The following PRICKLE2 variants were observed in gnomAD, a reference collection of about 807,000 sequenced individuals.
PRICKLE2 encodes prickle planar cell polarity protein 2.
PRICKLE2 carries 21 observed loss-of-function variants against 81.4 expected under a neutral mutation model. The observed-to-expected ratio is 0.26, with a 90% CI of 0.18 to 0.37. PRICKLE2 has a LOEUF of 0.37. Ranked by LOEUF, PRICKLE2 falls within the 10% of genes least tolerant of loss-of-function variation. The pLI is 1.00. For synonymous variants in PRICKLE2, 456 were observed against 421.5 expected (o/e 1.08, Z -1.00); for missense variants, 940 against 1,109.0 (o/e 0.85, Z 2.16).
At chr3:64,233,892 T>G (rs2079141833) in intron 2 of PRICKLE2, among the ~76,000 whole-genome samples, 1 of 152,144 alleles carries the variant, frequency 6.6e-6, no homozygotes, top group South Asian at 2.1e-4. Flanking sequence ...CTCTATAGAG[T>G]TGCCTATTCT....
chr3:64,243,028 G>C (rs1359928738), intron 2 of PRICKLE2, among the ~76,000 whole-genome samples: 2 of 152,214 alleles, frequency 1.3e-5, no homozygotes, highest in Non-Finnish European at 2.9e-5. Context: ...GAAAGTGAGA[G>C]AGCAGGGATT....
chr3:64,246,019 TGG>T (rs2079345340), intron 2 of PRICKLE2, among the ~76,000 whole-genome samples: 1 of 152,028 alleles, frequency 6.6e-6, no homozygotes, highest in Non-Finnish European at 1.5e-5. Flanking sequence ...CCAAGGCAGG[TGG>T]ATCACTTGAG....
At chr3:64,194,766 T>C (rs981613683) in intron 2 of PRICKLE2, among the ~76,000 whole-genome samples, 1 of 152,218 alleles carries the variant, frequency 6.6e-6, no homozygotes, top group Admixed American at 6.5e-5. Flanking sequence ...GCCTTAAGAA[T>C]GTCTTCAGAC....
chr3:64,199,015 T>C (rs1575656060), intron 1 of PRICKLE2, 48 bp from the exon 2 acceptor site: 1 of 1,581,196 alleles, frequency 6.3e-7, no homozygotes, highest in Middle Eastern at 1.7e-4. Context: ...AAACCTTTTT[T>C]TTTTTCCAAG....
At chr3:64,259,097 A>G (rs557168224) in intron 2 of PRICKLE2, among the ~76,000 whole-genome samples, 29 of 152,260 alleles carry the variant, frequency 1.9e-4, no homozygotes, top group African/African-American at 6.5e-4. Context: ...ATGTAATGTG[A>G]CCTTTGAGAG....
At chr3:64,168,554 C>T (rs574666533) in intron 2 of PRICKLE2, among the ~76,000 whole-genome samples, 9 of 152,268 alleles carry the variant, frequency 5.9e-5, no homozygotes, top group African/African-American at 1.7e-4. Flanking sequence ...TACGGCTTGA[C>T]GCGTTTTTAT....
intron 7 of PRICKLE2, among the ~76,000 whole-genome samples, chr3:64,125,814 C>G (rs1287571841): frequency 6.6e-6 from 1 of 152,198 alleles, no homozygotes; most frequent in African/African-American, 2.4e-5. Context: ...TGAAATATCT[C>G]TGAGGTATGT....
chr3:64,215,982 T>C (rs2078865682), intron 1 of PRICKLE2, among the ~76,000 whole-genome samples: 1 of 152,222 alleles, frequency 6.6e-6, no homozygotes, highest in African/African-American at 2.4e-5. Context: ...AGAACTCCTA[T>C]GGCCTTGGCA....
At chr3:64,207,693 C>T (rs1037781847) in intron 1 of PRICKLE2, among the ~76,000 whole-genome samples, 7 of 152,054 alleles carry the variant, frequency 4.6e-5, no homozygotes, top group African/African-American at 7.2e-5. Flanking sequence ...CATATACTTA[C>T]GGGTATCACA....
intron 1 of PRICKLE2, chr3:64,199,299 C>T (rs2078524193): frequency 7.0e-6 from 3 of 429,452 alleles, no homozygotes; most frequent in Non-Finnish European, 8.4e-6. Context: ...CTGGATATGG[C>T]CCATGACCAC....
intron 7 of PRICKLE2, among the ~76,000 whole-genome samples, chr3:64,116,232 A>G (rs1161732964): frequency 6.6e-6 from 1 of 152,202 alleles, no homozygotes; most frequent in Non-Finnish European, 1.5e-5. Context: ...TGAAATGTTC[A>G]CATCAAAAAG....
intron 2 of PRICKLE2, among the ~76,000 whole-genome samples, chr3:64,195,712 G>A (rs539642763): frequency 1.9e-4 from 29 of 152,102 alleles, no homozygotes; most frequent in African/African-American, 6.7e-4. Flanking sequence ...AGTGCTATAC[G>A]TAATAGACTT....
At chr3:64,187,444 G>A (rs1300810678) in intron 2 of PRICKLE2, 2 of 152,194 alleles carry the variant, frequency 1.3e-5, no homozygotes, top group South Asian at 2.1e-4. Flanking sequence ...TGAAAACACC[G>A]AGGTGAGTGA....
intron 1 of PRICKLE2, among the ~76,000 whole-genome samples, chr3:64,207,460 C>G (rs977642110): frequency 3.9e-5 from 6 of 152,162 alleles, no homozygotes; most frequent in Non-Finnish European, 8.8e-5. Flanking sequence ...AGACTTCATT[C>G]TACGTGTTCC....
At chr3:64,125,982 T>C (rs1024895) in intron 7 of PRICKLE2, among the ~76,000 whole-genome samples, 86,228 of 151,780 alleles carry the variant, frequency 0.57, 24,589 homozygotes, top group South Asian at 0.67. Flanking sequence ...TAGTTATCTA[T>C]GTGTCAGCAT....
intron 7 of PRICKLE2, chr3:64,104,809 G>T (rs2076728711): frequency 6.6e-6 from 1 of 152,186 alleles, no homozygotes; most frequent in Non-Finnish European, 1.5e-5. Context: ...GAGGAGAAAT[G>T]CCTCTCTTCT....
intron 2 of PRICKLE2, among the ~76,000 whole-genome samples, chr3:64,253,509 G>A (rs1340746515): frequency 1.3e-5 from 2 of 152,106 alleles, no homozygotes; most frequent in Non-Finnish European, 2.9e-5. Context: ...TTAAAAGATT[G>A]GCCTAAAAAT....
intron 2 of PRICKLE2, among the ~76,000 whole-genome samples, chr3:64,232,302 C>G (rs2079116306): frequency 6.6e-6 from 1 of 152,218 alleles, no homozygotes; most frequent in Non-Finnish European, 1.5e-5. Flanking sequence ...GGATCTACTG[C>G]TTTGTGGCCT....
chr3:64,247,021 T>C (rs1249767957), intron 2 of PRICKLE2, among the ~76,000 whole-genome samples: 2 of 152,118 alleles, frequency 1.3e-5, no homozygotes, highest in African/African-American at 2.4e-5. Flanking sequence ...TTTGTAAAAA[T>C]CACATATTTA....
Sources: allele counts gnomAD v4.1 joint callset (sites outside exome capture counted in the v4.1 genomes callset), GRCh38; gene constraint gnomAD v4.1.1; transcripts MANE v1.5; gene names NCBI Gene and HGNC (gene_info 2026-07-23, HGNC 2026-07-21).